The following VDAC1 variants were observed in gnomAD, a reference collection of about 807,000 sequenced individuals.
VDAC1 encodes non-selective voltage-gated ion channel VDAC1.
VDAC1 carries 10 observed loss-of-function variants against 34.7 expected under a neutral mutation model. The ratio of observed to expected loss-of-function variants is 0.29; its 90% CI spans 0.18 to 0.49. VDAC1 has a LOEUF of 0.49. VDAC1 is among the 20% of genes least tolerant of loss of function. The pLI, the probability that VDAC1 is intolerant of heterozygous loss-of-function variation, is 0.99. For missense variants in VDAC1, 230 were observed against 347.9 expected, an observed-to-expected ratio of 0.66 and a Z score of 2.69; for synonymous variants, 130 against 136.0, an observed-to-expected ratio of 0.96 and a Z score of 0.30.
the VDAC1 span, among the ~76,000 whole-genome samples, chr5:134,114,028 C>A: frequency 6.6e-6 from 1 of 152,148 alleles, no homozygotes; most frequent in Admixed American, 6.5e-5. Flanking sequence ...TGGCTGTGTT[C>A]GCGGCTCGGA....
At chr5:134,098,458 C>T in the VDAC1 span, among the ~76,000 whole-genome samples, 3 of 152,122 alleles carry the variant, frequency 2.0e-5, no homozygotes, top group South Asian at 2.1e-4. Flanking sequence ...CTCCTGACTT[C>T]GGGTGATCTG....
chr5:134,095,493 T>TAA, the VDAC1 span, among the ~76,000 whole-genome samples: 1 of 137,572 alleles, frequency 7.3e-6, no homozygotes, highest in Non-Finnish European at 1.5e-5. Context: ...AGTAAATAAA[T>TAA]AAATAAATAA....
chr5:134,098,891 C>T, the VDAC1 span, among the ~76,000 whole-genome samples: 17 of 152,314 alleles, frequency 1.1e-4, no homozygotes, highest in East Asian at 3.3e-3. Context: ...TGCACCAGAT[C>T]CAAAGTCATG....
At chr5:134,107,347 G>A in the VDAC1 span, among the ~76,000 whole-genome samples, 1 of 152,240 alleles carries the variant, frequency 6.6e-6, no homozygotes, top group Non-Finnish European at 1.5e-5. Flanking sequence ...CTGCAGCCCG[G>A]CCGGGCCATG....
the VDAC1 span, among the ~76,000 whole-genome samples, chr5:134,086,151 G>T: frequency 7.9e-5 from 12 of 152,174 alleles, no homozygotes; most frequent in African/African-American, 2.9e-4. Context: ...AGCCAAGATT[G>T]TTCCACTGCA....
chr5:133,995,306 A>G (rs1753256162), intron 1 of VDAC1, among the ~76,000 whole-genome samples: 1 of 152,234 alleles, frequency 6.6e-6, no homozygotes, highest in Non-Finnish European at 1.5e-5. Flanking sequence ...GCAGCACGCA[A>G]GTGAACTTGC....
intron 7 of VDAC1, 86 bp from the exon 8 acceptor site, chr5:133,973,934 C>T: frequency 7.7e-7 from 1 of 1,297,542 alleles, no homozygotes; most frequent in Non-Finnish European, 1.1e-6. Flanking sequence ...TTTAGTCAAC[C>T]AACCTTGGAC....
At chr5:134,045,424 G>C in the VDAC1 span, among the ~76,000 whole-genome samples, 1 of 152,180 alleles carries the variant, frequency 6.6e-6, no homozygotes, top group Non-Finnish European at 1.5e-5. Flanking sequence ...CTGCAGAGCT[G>C]CCTTCATTCT....
chr5:134,026,326 T>C, the VDAC1 span, among the ~76,000 whole-genome samples: 2 of 151,882 alleles, frequency 1.3e-5, no homozygotes, highest in Admixed American at 6.6e-5. Context: ...GCTAACCGTC[T>C]AACACGGTGA....
the VDAC1 span, among the ~76,000 whole-genome samples, chr5:134,047,919 G>A: frequency 2.4e-4 from 36 of 151,742 alleles, no homozygotes; most frequent in South Asian, 1.9e-3. Flanking sequence ...TAGTCAACAA[G>A]CGCCATCATT....
At chr5:134,050,563 G>T in the VDAC1 span, among the ~76,000 whole-genome samples, 1 of 152,094 alleles carries the variant, frequency 6.6e-6, no homozygotes, top group East Asian at 1.9e-4. Flanking sequence ...AAATTACAGG[G>T]GAATGATTGC....
At chr5:134,012,806 C>T in the VDAC1 span, among the ~76,000 whole-genome samples, 1 of 151,940 alleles carries the variant, frequency 6.6e-6, no homozygotes, top group African/African-American at 2.4e-5. Context: ...GCAAAAATAA[C>T]AGAATTGGAG....
At chr5:134,017,789 T>C in the VDAC1 span, among the ~76,000 whole-genome samples, 1 of 152,212 alleles carries the variant, frequency 6.6e-6, no homozygotes, top group African/African-American at 2.4e-5. Flanking sequence ...GGCAGGCGAC[T>C]GTAGTCCCAG....
At chr5:134,090,713 A>G in the VDAC1 span, among the ~76,000 whole-genome samples, 1 of 152,254 alleles carries the variant, frequency 6.6e-6, no homozygotes, top group African/African-American at 2.4e-5. Context: ...ACTGGGGCAA[A>G]CATCCTAAAC....
chr5:134,084,395 G>T, the VDAC1 span, among the ~76,000 whole-genome samples: 3 of 152,214 alleles, frequency 2.0e-5, no homozygotes, highest in East Asian at 3.8e-4. Context: ...GAGCTGCATG[G>T]GGTAAGGAGT....
At chr5:134,013,017 T>C in the VDAC1 span, among the ~76,000 whole-genome samples, 16 of 152,156 alleles carry the variant, frequency 1.1e-4, no homozygotes, top group African/African-American at 3.9e-4. Flanking sequence ...TAATAAATGG[T>C]GCTGGAATAA....
At chr5:134,045,699 G>T in the VDAC1 span, among the ~76,000 whole-genome samples, 1 of 151,578 alleles carries the variant, frequency 6.6e-6, no homozygotes, top group Non-Finnish European at 1.5e-5. Flanking sequence ...TTTTGAGATG[G>T]GGTTTCACTC....
chr5:134,037,812 CA>C, the VDAC1 span, among the ~76,000 whole-genome samples: 3 of 151,848 alleles, frequency 2.0e-5, no homozygotes, highest in East Asian at 1.9e-4. Context: ...TCTCTCACTG[CA>C]AAAAAAGCCC....
At chr5:134,097,649 A>C in the VDAC1 span, among the ~76,000 whole-genome samples, 1 of 152,112 alleles carries the variant, frequency 6.6e-6, no homozygotes, top group Non-Finnish European at 1.5e-5. Context: ...GCCCTCACCC[A>C]CGGTGGAGGG....
Sources: allele counts gnomAD v4.1 joint callset (sites outside exome capture counted in the v4.1 genomes callset), GRCh38; gene constraint gnomAD v4.1.1; transcripts MANE v1.5; gene names NCBI Gene and HGNC (gene_info 2026-07-23, HGNC 2026-07-21).